The following MYO1H variants were observed in gnomAD, a reference collection of about 807,000 sequenced individuals.
MYO1H encodes the protein unconventional myosin-Ih.
A neutral mutation model predicts 149.3 loss-of-function variants in MYO1H; 118 were observed. The ratio of observed to expected loss-of-function variants is 0.79; its 90% CI spans 0.68 to 0.92. MYO1H has a LOEUF of 0.92. MYO1H is among the 40% of genes least tolerant of loss of function. The pLI, the probability that MYO1H is intolerant of heterozygous loss-of-function variation, is 0.00. For synonymous variants in MYO1H, 447 were observed against 465.2 expected (o/e 0.96, Z 0.50); for missense variants, 1,212 against 1,280.7 (o/e 0.95, Z 0.82).
the MYO1H span, among the ~76,000 whole-genome samples, chr12:109,319,844 T>C: frequency 6.6e-6 from 1 of 152,166 alleles, no homozygotes; most frequent in Non-Finnish European, 1.5e-5. Context: ...TAAATGTTCC[T>C]TGGGGCTCAG....
chr12:109,341,988 A>G, the MYO1H span, among the ~76,000 whole-genome samples: 1 of 152,112 alleles, frequency 6.6e-6, no homozygotes, highest in Non-Finnish European at 1.5e-5. Context: ...TCAGTCTTTC[A>G]TGGCATTAAT....
intron 7 of MYO1H, among the ~76,000 whole-genome samples, chr12:109,405,047 C>CA (rs1218510485): frequency 6.6e-6 from 1 of 151,476 alleles, no homozygotes; most frequent in Non-Finnish European, 1.5e-5. Context: ...CCTGCCTCTA[C>CA]AAAAAAATTT....
chr12:109,442,186 A>T (rs755105087), intron 26 of MYO1H, 31 bp from the exon 27 acceptor site: 4 of 1,602,110 alleles, frequency 2.5e-6, no homozygotes, highest in Non-Finnish European at 3.4e-6. Flanking sequence ...TACTTTAGTG[A>T]TGATTCATGG....
chr12:109,410,144 T>A, intron 12 of MYO1H, 76 bp downstream of exon 12: 1 of 719,852 alleles, frequency 1.4e-6, no homozygotes, highest in African/African-American at 1.9e-5. Flanking sequence ...TTAATTAATT[T>A]TTTTTTTATT....
chr12:109,397,225 T>A (rs1474267932), intron 4 of MYO1H, among the ~76,000 whole-genome samples: 1 of 152,242 alleles, frequency 6.6e-6, no homozygotes, highest in African/African-American at 2.4e-5. Flanking sequence ...AATAGTTTTC[T>A]TATTATTGAG....
At position 109,405,916 on chromosome 12, in the gene MYO1H, TC is replaced by T. The variant is rs1870361820; in HGVS notation, c.850-4del. On this transcript the variant is annotated splice_polypyrimidine_tract_variant and splice_region_variant and intron_variant, in intron 7 of 31. Coordinates refer to ENST00000310903, the Ensembl canonical transcript of MYO1H. ...TCCTGTCTCTGAACACTTCCCATGTTCCTAGAATCTCTTTGGAATTATTGCC... is the reference window on the plus strand; with the variant it reads ...TCCTGTCTCTGAACACTTCCCATGTTCTAGAATCTCTTTGGAATTATTGCC... The T allele has an allele frequency of 3.1e-6, 5 of 1,595,254 alleles. No homozygotes were observed. Among genetic ancestry groups the T allele is most frequent in the Non-Finnish European group, 4.3e-6 (5 of 1,163,054 alleles).
the MYO1H span, among the ~76,000 whole-genome samples, chr12:109,336,168 C>T: frequency 1.3e-5 from 2 of 152,042 alleles, no homozygotes; most frequent in Admixed American, 6.6e-5. Context: ...ATTTTGCTGT[C>T]CCTTGATGTT....
the MYO1H span, among the ~76,000 whole-genome samples, chr12:109,335,785 A>C: frequency 6.6e-6 from 1 of 152,126 alleles, no homozygotes; most frequent in African/African-American, 2.4e-5. Context: ...TTTCTTTCCA[A>C]TATTAGTGCC....
chr12:109,444,505 A>T (rs1872393683), exon 30 of MYO1H: 1 of 1,613,928 alleles, frequency 6.2e-7, no homozygotes, highest in East Asian at 2.2e-5. Context: ...AAGAAGGAGA[A>T]CATTGTCAAT....
At chr12:109,397,034 G>T (rs1162827517) in intron 4 of MYO1H, among the ~76,000 whole-genome samples, 11 of 151,648 alleles carry the variant, frequency 7.3e-5, no homozygotes, top group Admixed American at 2.6e-4. Context: ...CGCCATGTTG[G>T]CCAGGCTAGT....
intron 28 of MYO1H, among the ~76,000 whole-genome samples, chr12:109,444,007 A>C (rs377455195): frequency 6.6e-6 from 1 of 152,118 alleles, no homozygotes; most frequent in South Asian, 2.1e-4. Context: ...CACTTTACTC[A>C]AGTACCCAGG....
At chr12:109,393,895 T>G (rs1304254421) in intron 3 of MYO1H, among the ~76,000 whole-genome samples, 1 of 152,024 alleles carries the variant, frequency 6.6e-6, no homozygotes, top group East Asian at 1.9e-4. Flanking sequence ...GCTGGAGAGA[T>G]GTCTTCTCCG....
At chr12:109,441,246 T>C (rs146142406) in intron 25 of MYO1H, among the ~76,000 whole-genome samples, 60 of 152,324 alleles carry the variant, frequency 3.9e-4, no homozygotes, top group African/African-American at 1.4e-3. Flanking sequence ...CCATGGACAA[T>C]GTGTGCATGA....
intron 22 of MYO1H, among the ~76,000 whole-genome samples, chr12:109,438,137 T>C (rs1475703256): frequency 2.7e-5 from 4 of 148,146 alleles, no homozygotes; most frequent in Admixed American, 2.7e-4. Context: ...CTAAGTTTTA[T>C]ATGCCCTAGT....
intron 1 of MYO1H, among the ~76,000 whole-genome samples, chr12:109,371,937 A>G (rs1868991557): frequency 6.6e-6 from 1 of 152,174 alleles, no homozygotes; most frequent in African/African-American, 2.4e-5. Flanking sequence ...TATTTAAAAG[A>G]CAAAGTTGTA....
chr12:109,409,528 C>G (rs758340885), intron 10 of MYO1H, 29 bp from the exon 11 acceptor site: 2 of 1,599,484 alleles, frequency 1.3e-6, no homozygotes, highest in African/African-American at 2.7e-5. Context: ...AAAGACCTAA[C>G]TATGAATGGG....
chr12:109,365,363 G>T (rs567685150), intron 1 of MYO1H, among the ~76,000 whole-genome samples: 1 of 152,354 alleles, frequency 6.6e-6, no homozygotes, highest in Middle Eastern at 3.4e-3. Flanking sequence ...GCCAATTCCA[G>T]TTCCGTCATG....
At chr12:109,351,154 A>C (rs1868454001) in intron 1 of MYO1H, among the ~76,000 whole-genome samples, 1 of 152,230 alleles carries the variant, frequency 6.6e-6, no homozygotes, top group Admixed American at 6.5e-5. Flanking sequence ...TAACTGGGTT[A>C]GATAAATTGC....
Position 109,393,577 on chromosome 12 carries a change from GC to G in MYO1H, c.290+134del, listed in dbSNP as rs984400685. On this transcript the variant is annotated intron_variant, in intron 3 of 31. Coordinates refer to ENST00000310903, the Ensembl canonical transcript of MYO1H. ...CATCCATCCATCCATCCATCCATCC[GC>G]CCACCCATCCATTCATCCACCTATC... is the stretch of plus-strand genomic sequence containing the variant. 28 of 232,542 alleles carry G rather than the reference GC, an allele frequency of 1.2e-4. No homozygotes were observed. The African/African-American group carries it at 2.4e-3, about 20-fold the overall frequency. 14.4% of individuals were successfully genotyped at this position (232,542 alleles called of 1,614,324 possible).
Sources: allele counts gnomAD v4.1 joint callset (sites outside exome capture counted in the v4.1 genomes callset), GRCh38; gene constraint gnomAD v4.1.1; transcripts MANE v1.5; gene names NCBI Gene and HGNC (gene_info 2026-07-23, HGNC 2026-07-21).